The following PASK variants were observed in gnomAD, a reference collection of about 807,000 sequenced individuals.
PASK encodes the protein PAS domain containing serine/threonine kinase.
PASK carries 110 observed loss-of-function variants against 121.0 expected under a neutral mutation model. The observed-to-expected ratio is 0.91, with a 90% CI of 0.78 to 1.06. The LOEUF (loss-of-function observed/expected upper bound fraction) is 1.06, where lower values mean the gene tolerates loss of function less well. PASK is among the 50% of genes least tolerant of loss of function. The pLI is 0.00. For synonymous variants in PASK, 686 were observed against 717.8 expected, an observed-to-expected ratio of 0.96 and a Z score of 0.71; for missense variants, 1,643 against 1,702.3, an observed-to-expected ratio of 0.97 and a Z score of 0.61.
At chr2:241,139,257 C>A (rs2066588487) in intron 4 of PASK, among the ~76,000 whole-genome samples, 1 of 152,216 alleles carries the variant, frequency 6.6e-6, no homozygotes, top group African/African-American at 2.4e-5. Context: ...ATCTGGATGA[C>A]TACTAGAGCC....
Position 241,115,344 on chromosome 2 carries a change from T to C in PASK, c.3142A>G (p.Lys1048Glu), listed in dbSNP as rs1310526337. The part of the protein sequence containing the change: ...DCWIEDPKLG[K>E]VTLEIAILSR... Reference sequence around the variant, plus strand: ...AGAATTGCGATCTCTAAAGTAACTTTCCCAAGTTTGGGATCCTCAATCCAA... The same window carrying C: ...AGAATTGCGATCTCTAAAGTAACTTCCCCAAGTTTGGGATCCTCAATCCAA... Residue 1048 changes from lysine (K) to glutamate (E), a missense_variant, in exon 13 of 18, where the codon AAA (lysine) becomes GAA (glutamate). By Grantham distance (56) the Lys-to-Glu change is moderately conservative. This residue lies in a region of PASK where 453 missense variants were observed against 511.2 expected (regional missense o/e 0.89). Coordinates refer to ENST00000234040, the MANE Select transcript of PASK (RefSeq NM_015148.4). The C allele has an allele frequency of 6.2e-7, 1 of 1,613,900 alleles. No individual in the cohort carries two copies. Among genetic ancestry groups the C allele is most frequent in the Admixed American group, 1.7e-5 (1 of 60,012 alleles).
Position 241,126,544 on chromosome 2 carries a change from C to T in PASK, c.2371G>A (p.Val791Ile), listed in dbSNP as rs1181098879. The change falls in exon 10 of 18, where the codon GTC (valine) becomes ATC (isoleucine). Residue 791 changes from valine (V) to isoleucine (I), a missense_variant. Around this residue, in one of 3 missense-constraint regions of PASK, gnomAD observed 1,176 missense variants for 1,162.2 expected, o/e 1.01. Coordinates refer to ENST00000234040, the MANE Select transcript of PASK (RefSeq NM_015148.4). ...AGTAACAGCTCCCTGTCATCCAGGA[C>T]ACACGACCCCTGTTCCTGGAGACTG... ...VGSLQEQGSC[V>I]LDDRELLLLT... 2 of 1,614,232 alleles carry T rather than the reference C, an allele frequency of 1.2e-6. No homozygotes were observed.
At chr2:241,150,099 G>T (rs1045694181), upstream of PASK, 2 of 1,263,158 alleles carry the variant, frequency 1.6e-6, no homozygotes, top group African/African-American at 1.6e-5. Flanking sequence ...GGAAAGATCC[G>T]CCTGGCCCGC....
Position 241,127,171 on chromosome 2 carries a change from T to C in PASK, c.1744A>G (p.Ser582Gly). 2 of 1,614,112 alleles carry C rather than the reference T, an allele frequency of 1.2e-6. No homozygotes were observed. Among genetic ancestry groups the C allele is most frequent in the Non-Finnish European group, 1.7e-6 (2 of 1,180,010 alleles). ...QLERMGVSGPSGSDLWAGAAV... is the reference protein window; with the variant it reads ...QLERMGVSGPGGSDLWAGAAV... ...GCCCCAGCCCAAAGGTCTGAACCGC[T>C]GGGACCACTGACTCCCATCCGCTCT... Residue 582 changes from serine (S) to glycine (G), a missense_variant, in exon 10 of 18, where the codon AGC becomes GGC. By Grantham distance (56) the Ser-to-Gly change is moderately conservative. This residue lies in a region of PASK where 1,176 missense variants were observed against 1,162.2 expected (regional missense o/e 1.01). Transcript: ENST00000234040.
chr2:241,110,652 C>A (rs2065071224), intron 15 of PASK, among the ~76,000 whole-genome samples: 1 of 152,166 alleles, frequency 6.6e-6, no homozygotes, highest in Admixed American at 6.5e-5. Flanking sequence ...TGGATCCCCC[C>A]TGCACCCTCC....
intron 8 of PASK, chr2:241,133,237 G>C (rs1372150895): frequency 6.3e-6 from 4 of 637,176 alleles, no homozygotes; most frequent in Non-Finnish European, 1.1e-5. Context: ...CCTGCAGCCA[G>C]CTACCATGAT....
intron 12 of PASK, 97 bp downstream of exon 12, chr2:241,122,635 G>T: frequency 8.9e-7 from 1 of 1,127,678 alleles, no homozygotes; most frequent in Non-Finnish European, 1.4e-6. Context: ...ATACCTAGAG[G>T]ACTCCTCCAA....
chr2:241,117,767 G>A (rs1010969372), intron 12 of PASK, among the ~76,000 whole-genome samples: 7 of 152,168 alleles, frequency 4.6e-5, no homozygotes, highest in African/African-American at 1.7e-4. Context: ...AAAGTTCTGA[G>A]AGGAGAAAGG....
At position 241,138,029 on chromosome 2, in the gene PASK, TC is replaced by T. The variant is rs746559439; in HGVS notation, c.799del (p.Glu267ArgfsTer11). ...TGTGATATGCTGCCCAGCCACGTCC[TC>T]CCCAGACACGTACCCGTGAAGATGA... ...FAHLHGYVSG[E>X]DVAGQHITDL... On this transcript the variant is annotated frameshift_variant, in exon 6 of 18. Transcript: ENST00000234040. LOFTEE classifies it high-confidence loss of function. The T allele has an allele frequency of 4.5e-5, 72 of 1,613,986 alleles. No homozygotes were observed. Among genetic ancestry groups the T allele is most frequent in the Non-Finnish European group, 5.6e-5 (66 of 1,179,952 alleles).
intron 14 of PASK, 112 bp downstream of exon 14, chr2:241,114,931 G>A (rs1056852772): frequency 6.3e-7 from 1 of 1,589,288 alleles, no homozygotes; most frequent in Admixed American, 1.8e-5. Context: ...CCACACAGAA[G>A]GCTAGATCCA....
upstream of PASK, chr2:241,149,548 T>C: frequency 9.5e-7 from 1 of 1,056,200 alleles, no homozygotes; most frequent in Non-Finnish European, 1.3e-6. Context: ...CTTGCGCGTA[T>C]GGGCGGGACT....
rs1284373994 is a variant in PASK at position 241,108,921 on chromosome 2, G to A, written c.3534-621C>T. 1 of 166,458 alleles carries A rather than the reference G, an allele frequency of 6.0e-6. No individual in the cohort carries two copies. Among genetic ancestry groups the A allele is most frequent in the South Asian group, 1.5e-4 (1 of 6,684 alleles). The allele number at this position is 166,458 out of a possible 1,614,324, so 10.3% of individuals were successfully genotyped here. On this transcript the variant is annotated intron_variant, in intron 15 of 17. Coordinates refer to ENST00000234040, the MANE Select transcript of PASK (RefSeq NM_015148.4). This position sits in a 1 kb window ranked among gnomAD's most constrained non-coding sequence, Gnocchi z 5.2. ...AAGCTTCAGGGAGAAGACACCCAAA[G>A]GACTATTGTTACTTCCTGTCGCCGT...
intron 11 of PASK, among the ~76,000 whole-genome samples, chr2:241,123,447 G>C (rs1265334118): frequency 1.3e-5 from 2 of 151,904 alleles, no homozygotes; most frequent in African/African-American, 2.4e-5. Context: ...CAAAGTGCTG[G>C]GATTACAGGC....
chr2:241,134,496 G>C (rs1168552508), intron 8 of PASK: 1 of 152,186 alleles, frequency 6.6e-6, no homozygotes, highest in Non-Finnish European at 1.5e-5. Context: ...AAGGAGGCTG[G>C]GCGCATGTGC....
chr2:241,124,873 T>C (rs2065784672), intron 10 of PASK, among the ~76,000 whole-genome samples: 1 of 152,118 alleles, frequency 6.6e-6, no homozygotes, highest in African/African-American at 2.4e-5. Flanking sequence ...TATTAAGAAA[T>C]GAGGAAAATA....
At chr2:241,114,552 G>T (rs944443648) in intron 14 of PASK, 1 of 1,006,340 alleles carries the variant, frequency 9.9e-7, no homozygotes, top group Non-Finnish European at 1.2e-6. Flanking sequence ...AATAATGGCC[G>T]AAGTTCAATA....
chr2:241,112,361 C>T lies in PASK; in HGVS notation c.3412G>A (p.Glu1138Lys), dbSNP rs145485934. ...DIKDENIVIAEDFTIKLIDFG... is the reference protein window; with the variant it reads ...DIKDENIVIAKDFTIKLIDFG... The stretch of plus-strand genomic sequence containing the variant: ...TCTATCAGCTTGATTGTGAAGTCCT[C>T]GGCGATCACGATGTTCTCATCCTTG... The change falls in exon 15 of 18, where the codon GAG becomes AAG. Residue 1138 changes from glutamate to lysine, a missense_variant. This residue lies in a region of PASK where 453 missense variants were observed against 511.2 expected (regional missense o/e 0.89). Coordinates refer to ENST00000234040, the MANE Select transcript of PASK (RefSeq NM_015148.4). The surrounding 1 kb of genome is among the most constrained non-coding windows in gnomAD (Gnocchi z 5.2). The T allele has an allele frequency of 6.2e-6, 10 of 1,613,508 alleles. No homozygotes were observed. Among genetic ancestry groups the T allele is most frequent in the Non-Finnish European group, 8.5e-6 (10 of 1,179,580 alleles).
chr2:241,125,250 G>A (rs755398356), intron 10 of PASK, among the ~76,000 whole-genome samples: 5 of 151,572 alleles, frequency 3.3e-5, no homozygotes, highest in Admixed American at 6.6e-5. Flanking sequence ...GCAGTAAGCC[G>A]AGACCATGCC....
chr2:241,106,430 T>A lies in PASK; in HGVS notation c.*136A>T, dbSNP rs1252076920. On this transcript the variant is annotated 3_prime_UTR_variant, in exon 18 of 18. Transcript: ENST00000234040. ...ACAGCATCACTGTCTTCTGTTCTGG[T>A]GTTTATCAAACCTGCACATGAGTTT... The A allele has an allele frequency of 2.4e-6, 2 of 849,318 alleles. No homozygotes were observed. Among genetic ancestry groups the A allele is most frequent in the East Asian group, 4.8e-5 (2 of 41,424 alleles). The allele number at this position is 849,318 out of a possible 1,614,324, so 52.6% of individuals were successfully genotyped here.
Sources: gnomAD v4.1 joint callset for allele counts (sites outside exome capture counted in the v4.1 genomes callset) on GRCh38, gnomAD v4.1.1 for gene constraint, gnomAD v4.1.1 regional missense constraint, Gnocchi (gnomAD v3.1) non-coding constraint, MANE v1.5 for transcripts, NCBI Gene and HGNC (gene_info 2026-07-23, HGNC 2026-07-21) for gene names.